Variants in TGFBR3 observed in about 807,000 individuals in gnomAD.
The protein encoded by TGFBR3 is transforming growth factor beta receptor 3, also known as transforming growth factor beta receptor type 3.
Under a neutral mutation model 87.9 loss-of-function variants are expected in TGFBR3, and 46 were observed. The ratio of observed to expected loss-of-function variants is 0.52; its 90% CI spans 0.41 to 0.67. The LOEUF (loss-of-function observed/expected upper bound fraction) is 0.67. Ranked by LOEUF, TGFBR3 falls within the 30% of genes least tolerant of loss-of-function variation. The pLI, the probability that TGFBR3 is intolerant of heterozygous loss-of-function variation, is 0.00. For missense variants in TGFBR3, 866 were observed against 1,041.9 expected (o/e 0.83, Z 2.32); for synonymous variants, 381 against 391.6 (o/e 0.97, Z 0.32).
chr1:91,695,028 C>G (rs991902147), intron 16 of TGFBR3, among the ~76,000 whole-genome samples: 2 of 151,688 alleles, frequency 1.3e-5, no homozygotes, highest in Non-Finnish European at 2.9e-5. Context: ...ATGTTTCAAC[C>G]TTGGGATTGG....
chr1:91,824,972 C>A (rs1377980985), intron 2 of TGFBR3, among the ~76,000 whole-genome samples: 1 of 152,106 alleles, frequency 6.6e-6, no homozygotes, highest in African/African-American at 2.4e-5. Context: ...AAAATAATAA[C>A]AATAATAATG....
intron 1 of TGFBR3, among the ~76,000 whole-genome samples, chr1:91,877,668 T>C (rs1184665793): frequency 6.6e-6 from 1 of 152,198 alleles, no homozygotes; most frequent in Non-Finnish European, 1.5e-5. Context: ...AAATGTGAAA[T>C]GCAACAAGTA....
chr1:91,716,794 T>C (rs1420610913), intron 10 of TGFBR3, 86 bp from the exon 11 acceptor site: 6 of 1,512,610 alleles, frequency 4.0e-6, no homozygotes, highest in Middle Eastern at 1.7e-4. Flanking sequence ...ACTCATGTAA[T>C]CATTCTGATG....
chr1:91,875,934 G>C (rs201991282), intron 1 of TGFBR3, among the ~76,000 whole-genome samples: 1 of 140,114 alleles, frequency 7.1e-6, no homozygotes, highest in Non-Finnish European at 1.5e-5. Context: ...AAAAAAGAAA[G>C]AAAAAGAAAC....
At chr1:91,691,526 T>G (rs1037845906) in intron 16 of TGFBR3, among the ~76,000 whole-genome samples, 2 of 152,220 alleles carry the variant, frequency 1.3e-5, no homozygotes, top group East Asian at 3.9e-4. Flanking sequence ...CTTGCCAAAC[T>G]GTCTACCAGG....
intron 2 of TGFBR3, among the ~76,000 whole-genome samples, chr1:91,825,993 C>T (rs1444752764): frequency 7.3e-6 from 1 of 136,166 alleles, no homozygotes; most frequent in South Asian, 2.4e-4. Context: ...AAAAAAAAAT[C>T]CACTTGATTC....
intron 16 of TGFBR3, among the ~76,000 whole-genome samples, chr1:91,691,184 C>T (rs1427454895): frequency 6.6e-6 from 1 of 151,820 alleles, no homozygotes; most frequent in Non-Finnish European, 1.5e-5. Flanking sequence ...AGAGGTTCAA[C>T]TTTCAAATAA....
rs2101194857 is a variant in TGFBR3, at chr1:91,861,641, C to G, written c.-110G>C. On this transcript the variant is annotated 5_prime_UTR_variant, in exon 2 of 17. Transcript: ENST00000212355. ...AAAGTCCCTCCTTGCAATTTTCAAA[C>G]TGCCTGTAAAACAAATTTCAATAAG... 1 of 824,830 alleles carries G rather than the reference C, an allele frequency of 1.2e-6. No homozygotes were observed. The highest frequency in any genetic ancestry group is 1.8e-5 in the Admixed American group (1 of 54,414). 51.1% of individuals were successfully genotyped at this position (824,830 alleles called of 1,614,324 possible).
intron 9 of TGFBR3, 70 bp from the exon 10 acceptor site, chr1:91,719,534 G>C: frequency 6.3e-7 from 1 of 1,592,332 alleles, no homozygotes; most frequent in Non-Finnish European, 8.6e-7. Flanking sequence ...TGACACAATT[G>C]ACAATTGCCT....
chr1:91,703,994 T>C (rs1671706771), intron 14 of TGFBR3, among the ~76,000 whole-genome samples: 1 of 152,150 alleles, frequency 6.6e-6, no homozygotes, highest in Non-Finnish European at 1.5e-5. Context: ...ATTAGGGTAT[T>C]TGGGGTGTTA....
At chr1:91,835,036 C>T (rs1677004638) in intron 2 of TGFBR3, among the ~76,000 whole-genome samples, 1 of 152,140 alleles carries the variant, frequency 6.6e-6, no homozygotes, top group African/African-American at 2.4e-5. Context: ...ACAAGTATAG[C>T]AATGGATGGG....
chr1:91,730,044 G>A (rs10783002), intron 5 of TGFBR3, 71 bp from the exon 6 acceptor site: 651,752 of 1,569,912 alleles, frequency 0.42, 140,215 homozygotes, highest in South Asian at 0.64. Context: ...GAAGGAGGGT[G>A]ACAGTGAAAC....
chr1:91,758,522 G>C lies in TGFBR3; in HGVS notation c.384+91C>G, dbSNP rs11466575. ...CTTTGGACTCTGGCATTATTTCAGT[G>C]AAAGTAAGCCTTTATGAAAAGTTTG... On this transcript the variant is annotated intron_variant, in intron 4 of 16. Coordinates refer to ENST00000212355, the MANE Select transcript of TGFBR3 (RefSeq NM_003243.5). 2.6e-3 allele frequency: 3,719 copies of C among 1,450,166 alleles called. 61 individuals carry two copies. In the African/African-American group the frequency reaches 0.044, roughly 17 times the overall value. The allele number at this position is 1,450,166 out of a possible 1,614,324, so 89.8% of individuals were successfully genotyped here. A position where few individuals can be genotyped will look rare whatever the true frequency, so the allele number is the denominator to read the frequency against.
chr1:91,797,197 A>G (rs1170882442), intron 3 of TGFBR3, 90 bp downstream of exon 3: 1 of 1,391,294 alleles, frequency 7.2e-7, no homozygotes, highest in Non-Finnish European at 1.0e-6. Context: ...TCTTTTGTTG[A>G]ACCCCAGAAG....
intron 16 of TGFBR3, among the ~76,000 whole-genome samples, chr1:91,689,090 G>A (rs1237451815): frequency 6.6e-6 from 1 of 152,164 alleles, no homozygotes; most frequent in Non-Finnish European, 1.5e-5. Flanking sequence ...GTCTATTGGT[G>A]TGTCTTTTTC....
intron 2 of TGFBR3, among the ~76,000 whole-genome samples, chr1:91,815,479 C>T (rs1401976435): frequency 1.3e-5 from 2 of 151,950 alleles, no homozygotes; most frequent in Non-Finnish European, 2.9e-5. Context: ...GAAAGATCAA[C>T]AGAAAAGAAC....
chr1:91,880,795 C>A (rs1679053166), intron 1 of TGFBR3, among the ~76,000 whole-genome samples: 1 of 151,328 alleles, frequency 6.6e-6, no homozygotes, highest in African/African-American at 2.4e-5. Flanking sequence ...AGGAGGATCA[C>A]TTGAGCCCAG....
intron 2 of TGFBR3, chr1:91,801,091 A>G (rs1426048149): frequency 4.5e-6 from 1 of 222,022 alleles, no homozygotes; most frequent in Non-Finnish European, 8.9e-6. Context: ...CTCAAAAAAA[A>G]AAAAAAAAAG....
At chr1:91,764,074 C>T (rs1256090688) in intron 3 of TGFBR3, among the ~76,000 whole-genome samples, 1 of 151,864 alleles carries the variant, frequency 6.6e-6, no homozygotes, top group East Asian at 1.9e-4. Context: ...TCTTGACATA[C>T]ACACACATTC....
Sources: allele counts gnomAD v4.1 joint callset (sites outside exome capture counted in the v4.1 genomes callset), GRCh38; gene constraint gnomAD v4.1.1; transcripts MANE v1.5; gene names NCBI Gene and HGNC (gene_info 2026-07-23, HGNC 2026-07-21).